Variants in CRISP3 observed in about 807,000 individuals in gnomAD.
The protein encoded by CRISP3 is cysteine-rich secretory protein 3.
In CRISP3, 33 loss-of-function variants were observed where a neutral mutation model predicts 36.1. The observed-to-expected ratio is 0.91, with a 90% CI of 0.69 to 1.22. The LOEUF (loss-of-function observed/expected upper bound fraction) is 1.22. Among genes scored for constraint, CRISP3 ranks in the 50% most tolerant of loss-of-function variants. CRISP3 has a pLI of 0.00. For synonymous variants in CRISP3, 117 were observed against 104.6 expected, an observed-to-expected ratio of 1.12 and a Z score of -0.72; for missense variants, 330 against 301.2, an observed-to-expected ratio of 1.10 and a Z score of -0.71.
At chr6:49,739,432 G>C (rs950695214) in intron 1 of CRISP3, among the ~76,000 whole-genome samples, 3 of 152,070 alleles carry the variant, frequency 2.0e-5, no homozygotes, top group Admixed American at 6.5e-5. Context: ...GTACCCAGAG[G>C]GGGAGCTGGT....
intron 1 of CRISP3, among the ~76,000 whole-genome samples, chr6:49,744,064 A>G (rs1276604669): frequency 6.6e-6 from 1 of 152,144 alleles, no homozygotes; most frequent in African/African-American, 2.4e-5. Context: ...GGAATTAGTT[A>G]TATTACTTTA....
chr6:49,737,641 C>T (rs1769092776), intron 1 of CRISP3, among the ~76,000 whole-genome samples: 1 of 152,116 alleles, frequency 6.6e-6, no homozygotes, highest in Non-Finnish European at 1.5e-5. Context: ...TTGAAGCATG[C>T]CTATAAATGC....
At chr6:49,739,839 C>G (rs1332583140) in intron 1 of CRISP3, among the ~76,000 whole-genome samples, 1 of 152,066 alleles carries the variant, frequency 6.6e-6, no homozygotes, top group Admixed American at 6.6e-5. Context: ...ACATTATTTT[C>G]TACTATTCCT....
chr6:49,736,948 G>GA (rs1048724904), intron 2 of CRISP3, among the ~76,000 whole-genome samples: 1 of 151,996 alleles, frequency 6.6e-6, no homozygotes, highest in Admixed American at 6.6e-5. Context: ...CTGGTATTTA[G>GA]AAAAAATGCT....
At chr6:49,739,819 T>C (rs1439373336) in intron 1 of CRISP3, among the ~76,000 whole-genome samples, 1 of 152,186 alleles carries the variant, frequency 6.6e-6, no homozygotes, top group Non-Finnish European at 1.5e-5. Flanking sequence ...TTTCTAAGTG[T>C]ATTAGTTATA....
At chr6:49,744,167 A>G (rs1409711800) in intron 1 of CRISP3, among the ~76,000 whole-genome samples, 164 bp downstream of exon 1, 1 of 152,172 alleles carries the variant, frequency 6.6e-6, no homozygotes, top group Non-Finnish European at 1.5e-5. Flanking sequence ...TCAGCTTAAA[A>G]TGAATATATT....
intron 2 of CRISP3, 54 bp downstream of exon 2, chr6:49,737,271 G>T: frequency 7.3e-7 from 1 of 1,378,578 alleles, no homozygotes; most frequent in Non-Finnish European, 1.0e-6. Context: ...CTAGTAGCTT[G>T]CCATCCCTCA....
intron 7 of CRISP3, among the ~76,000 whole-genome samples, chr6:49,730,907 T>A (rs1430889812): frequency 6.6e-6 from 1 of 152,118 alleles, no homozygotes; most frequent in Non-Finnish European, 1.5e-5. Context: ...TCAGGTGTGG[T>A]GGCACGTGCC....
intron 6 of CRISP3, among the ~76,000 whole-genome samples, chr6:49,732,339 T>A (rs1484664732): frequency 6.6e-6 from 1 of 152,214 alleles, no homozygotes; most frequent in Non-Finnish European, 1.5e-5. Flanking sequence ...ACTGGAATCC[T>A]ACATCACCTG....
intron 7 of CRISP3, 70 bp from the exon 8 acceptor site, chr6:49,728,927 A>T: frequency 6.9e-7 from 1 of 1,445,816 alleles, no homozygotes; most frequent in Admixed American, 1.9e-5. Context: ...CAAACAAAAC[A>T]TTCTATATGA....
At chr6:49,730,987 A>G (rs1184127472) in intron 7 of CRISP3, among the ~76,000 whole-genome samples, 176 bp downstream of exon 7, 1 of 152,224 alleles carries the variant, frequency 6.6e-6, no homozygotes, top group Non-Finnish European at 1.5e-5. Flanking sequence ...GGTTGCAGTG[A>G]GCCGAGATGG....
intron 1 of CRISP3, among the ~76,000 whole-genome samples, chr6:49,739,160 T>C (rs1769137687): frequency 6.6e-6 from 1 of 152,184 alleles, no homozygotes; most frequent in Admixed American, 6.5e-5. Flanking sequence ...ATGCCCTAAC[T>C]CCTAGTGTGC....
intron 6 of CRISP3, 25 bp from the exon 7 acceptor site, chr6:49,731,276 AAT>A (rs753418023): frequency 1.3e-6 from 2 of 1,486,364 alleles, no homozygotes; most frequent in African/African-American, 2.8e-5. Context: ...AAAAATGTCA[AAT>A]ATTTTTCATT....
At chr6:49,730,515 T>G (rs149576741) in intron 7 of CRISP3, among the ~76,000 whole-genome samples, 39 of 152,308 alleles carry the variant, frequency 2.6e-4, no homozygotes, top group African/African-American at 7.9e-4. Flanking sequence ...TACTCTTAGA[T>G]GTATATTTGT....
chr6:49,741,250 G>A (rs1769195360), intron 1 of CRISP3, among the ~76,000 whole-genome samples: 1 of 150,942 alleles, frequency 6.6e-6, no homozygotes. Context: ...TTATACTCAC[G>A]CCTTCTTACT....
At chr6:49,733,324 C>T (rs1212975814) in intron 5 of CRISP3, 32 bp from the exon 6 acceptor site, 3 of 1,362,936 alleles carry the variant, frequency 2.2e-6, no homozygotes, top group Non-Finnish European at 3.1e-6. Flanking sequence ...TATGAGAGCA[C>T]ATTAGAGAAG....
chr6:49,733,329 G>C (rs1279393268), intron 5 of CRISP3, 37 bp from the exon 6 acceptor site: 1 of 1,327,972 alleles, frequency 7.5e-7, no homozygotes, highest in Non-Finnish European at 1.1e-6. Flanking sequence ...GAGCACATTA[G>C]AGAAGAAGGA....
intron 4 of CRISP3, 112 bp from the exon 5 acceptor site, chr6:49,733,960 C>G: frequency 1.2e-6 from 1 of 855,754 alleles, no homozygotes; most frequent in East Asian, 2.5e-5. Context: ...AAATACAGTC[C>G]CCAGTACCCA....
chr6:49,741,979 T>C (rs1467364691), intron 1 of CRISP3, among the ~76,000 whole-genome samples: 1 of 150,610 alleles, frequency 6.6e-6, no homozygotes, highest in Non-Finnish European at 1.5e-5. Flanking sequence ...TAAGATCATC[T>C]ATCTGGAGAA....
Sources: gnomAD v4.1 joint callset for allele counts (sites outside exome capture counted in the v4.1 genomes callset) on GRCh38, gnomAD v4.1.1 for gene constraint, MANE v1.5 for transcripts, NCBI Gene and HGNC (gene_info 2026-07-23, HGNC 2026-07-21) for gene names.